Variants in CDH18 observed in about 807,000 individuals in gnomAD.
CDH18 encodes the protein cadherin-18.
Under a neutral mutation model 67.9 loss-of-function variants are expected in CDH18, and 31 were observed. That is an observed-to-expected ratio of 0.46 (90% CI 0.34 to 0.62). CDH18 has a LOEUF of 0.62. CDH18 is among the 20% of genes least tolerant of loss of function. CDH18 has a pLI of 0.01. For synonymous variants in CDH18, 362 were observed against 347.2 expected, an observed-to-expected ratio of 1.04 and a Z score of -0.48; for missense variants, 890 against 975.5, an observed-to-expected ratio of 0.91 and a Z score of 1.17.
intron 2 of CDH18, among the ~76,000 whole-genome samples, chr5:20,025,671 C>T (rs1738832500): frequency 6.6e-6 from 1 of 152,190 alleles, no homozygotes; most frequent in African/African-American, 2.4e-5. Context: ...AACAGAATAA[C>T]ATCTGGCAAA....
At chr5:20,074,244 C>A (rs1743736657) in intron 2 of CDH18, among the ~76,000 whole-genome samples, 1 of 152,002 alleles carries the variant, frequency 6.6e-6, no homozygotes, top group African/African-American at 2.4e-5. Flanking sequence ...ATGCCTGTTA[C>A]CGTAATATCT....
chr5:20,511,032 AT>A (rs1338097906), intron 1 of CDH18, among the ~76,000 whole-genome samples: 2 of 152,208 alleles, frequency 1.3e-5, no homozygotes, highest in African/African-American at 4.8e-5. Context: ...ACCAGCATTA[AT>A]TCTAAATAAA....
At chr5:20,072,044 G>A (rs1743525146) in intron 2 of CDH18, among the ~76,000 whole-genome samples, 1 of 152,034 alleles carries the variant, frequency 6.6e-6, no homozygotes, top group African/African-American at 2.4e-5. Flanking sequence ...ACTAACACAG[G>A]ATACTTAATT....
chr5:19,566,429 T>C (rs1159188951), intron 8 of CDH18, among the ~76,000 whole-genome samples: 2 of 152,174 alleles, frequency 1.3e-5, no homozygotes, highest in Non-Finnish European at 2.9e-5. Context: ...AAAGACATAC[T>C]TGAAACTGGG....
rs1007623517 is a variant in CDH18, at chr5:19,944,777, C to T, written c.-257+36283G>A. Among the ~76,000 whole-genome samples the T allele has an allele frequency of 4.6e-5, 7 of 152,076 alleles. No individual in the cohort carries two copies. The South Asian group carries it at 8.3e-4, about 18-fold the overall frequency. On this transcript the variant is annotated intron_variant, in intron 2 of 12. Coordinates refer to ENST00000382275, the MANE Select transcript of CDH18 (RefSeq NM_004934.5). ...TGGTAGCTCCCTCTAACTTTAACTA[C>T]TCAAGAAATGACACAATAGACAGCC...
At chr5:19,809,793 A>C (rs1302301978) in intron 3 of CDH18, among the ~76,000 whole-genome samples, 1 of 152,168 alleles carries the variant, frequency 6.6e-6, no homozygotes, top group Non-Finnish European at 1.5e-5. Context: ...CTCTCTATGA[A>C]TATTTCTCAA....
At chr5:20,504,426 C>T (rs564335116) in intron 1 of CDH18, among the ~76,000 whole-genome samples, 24 of 152,242 alleles carry the variant, frequency 1.6e-4, no homozygotes, top group Non-Finnish European at 2.5e-4. Context: ...AGTTAAAACA[C>T]GGCTTCGTGA....
intron 2 of CDH18, among the ~76,000 whole-genome samples, chr5:19,949,599 T>G (rs2150258115): frequency 6.6e-6 from 1 of 152,258 alleles, no homozygotes; most frequent in Non-Finnish European, 1.5e-5. Context: ...AACAAGTACA[T>G]CTTTCTTTTC....
chr5:20,001,605 G>A (rs1736441818), intron 2 of CDH18, among the ~76,000 whole-genome samples: 1 of 152,124 alleles, frequency 6.6e-6, no homozygotes, highest in African/African-American at 2.4e-5. Context: ...AGGAAGATTG[G>A]TTAGATAAAA....
chr5:20,357,036 A>G (rs149895803), intron 1 of CDH18, among the ~76,000 whole-genome samples: 150 of 151,736 alleles, frequency 9.9e-4, no homozygotes, highest in Non-Finnish European at 1.6e-3. Flanking sequence ...TCTCAGGAAA[A>G]AGAAGACATT....
rs533739591 is a variant in CDH18 at position 20,561,169 on chromosome 5, T to C, written c.-580+14293A>G. On this transcript the variant is annotated intron_variant, in intron 1 of 14. Transcript: ENST00000507958. ...TGTTTTGCTAGTGGGGAAGATAAAT[T>C]GCATAGCCATAGTGGAAGACAGTTG... 2.6e-5 allele frequency among the ~76,000 whole-genome samples: 4 copies of C among 152,172 alleles called. No individual in the cohort carries two copies. The South Asian group carries it at 8.3e-4, about 32-fold the overall frequency.
intron 1 of CDH18, among the ~76,000 whole-genome samples, chr5:20,501,603 T>TATA (rs1754326541): frequency 2.3e-5 from 2 of 88,636 alleles, no homozygotes; most frequent in African/African-American, 4.6e-5. Flanking sequence ...ATTATATATA[T>TATA]ATATATATAT....
chr5:19,563,114 T>C lies in CDH18; in HGVS notation c.1253+8465A>G, dbSNP rs79482802. On this transcript the variant is annotated intron_variant, in intron 8 of 12. Coordinates refer to ENST00000382275, the MANE Select transcript of CDH18 (RefSeq NM_004934.5). ...TTAATGGCTCTCTGAGCATTTATAA[T>C]ATACATTTGTTTCTAATTTTTGATA... 3.4e-3 allele frequency among the ~76,000 whole-genome samples: 513 copies of C among 152,314 alleles called. 2 individuals are homozygous for C. The highest frequency in any genetic ancestry group is 0.012 in the African/African-American group (487 of 41,580).
chr5:19,695,442 T>A (rs991679781), intron 5 of CDH18, among the ~76,000 whole-genome samples: 3 of 152,206 alleles, frequency 2.0e-5, no homozygotes, highest in African/African-American at 7.2e-5. Flanking sequence ...TGATTAGTAA[T>A]CTGCTTATAC....
At chr5:20,060,995 A>C (rs1170830421) in intron 2 of CDH18, among the ~76,000 whole-genome samples, 1 of 152,074 alleles carries the variant, frequency 6.6e-6, no homozygotes, top group Non-Finnish European at 1.5e-5. Context: ...TCTATTTGTC[A>C]GAGATTCAAT....
intron 2 of CDH18, among the ~76,000 whole-genome samples, chr5:19,973,586 T>A (rs988024503): frequency 5.3e-5 from 8 of 152,182 alleles, no homozygotes; most frequent in Non-Finnish European, 7.4e-5. Context: ...TTGAAGAACA[T>A]GGAAAAAGTT....
chr5:20,056,451 ATTATTTTTCT>A (rs1741946300), intron 2 of CDH18, among the ~76,000 whole-genome samples: 1 of 18,968 alleles, frequency 5.3e-5, no homozygotes, highest in African/African-American at 2.2e-4. Context: ...TTATTTTTTT[ATTATTTTTCT>A]TTATTTTCTT....
intron 1 of CDH18, among the ~76,000 whole-genome samples, chr5:20,421,365 G>GT (rs1747843190): frequency 2.4e-5 from 3 of 125,822 alleles, no homozygotes; most frequent in Admixed American, 8.0e-5. Context: ...ACAATCACTT[G>GT]GTTTTTTTTT....
rs976657296 is a variant in CDH18, at chr5:20,357,579, G to A, written c.-579-102074C>T. On this transcript the variant is annotated intron_variant, in intron 1 of 14. Coordinates refer to the CDH18 transcript ENST00000507958. ...AAATGCTCTTCATCTCTGATCATCA[G>A]AGAAATGCAAATCAAAGCTACAAAT... 5.1e-4 allele frequency among the ~76,000 whole-genome samples: 78 copies of A among 152,134 alleles called. 5 individuals are homozygous for A. The highest frequency in any genetic ancestry group is 1.5e-5 in the Non-Finnish European group (1 of 68,026).
Sources: gnomAD v4.1 joint callset for allele counts (sites outside exome capture counted in the v4.1 genomes callset) on GRCh38, gnomAD v4.1.1 for gene constraint, MANE v1.5 for transcripts, NCBI Gene and HGNC (gene_info 2026-07-23, HGNC 2026-07-21) for gene names.